Variants in NCMAP observed in about 807,000 individuals in gnomAD.
NCMAP encodes the protein non-compact myelin associated protein.
In NCMAP, 8 loss-of-function variants were observed where a neutral mutation model predicts 7.8. The observed-to-expected ratio is 1.02, with a 90% CI of 0.60 to 1.84. The LOEUF (loss-of-function observed/expected upper bound fraction) is 1.84, where lower values mean the gene tolerates loss of function less well. NCMAP is among the 40% of genes most tolerant of loss of function. NCMAP has a pLI of 0.00. For synonymous variants in NCMAP, 41 were observed against 52.9 expected, an observed-to-expected ratio of 0.78 and a Z score of 0.98; for missense variants, 112 against 131.4, an observed-to-expected ratio of 0.85 and a Z score of 0.72.
intron 1 of NCMAP, among the ~76,000 whole-genome samples, chr1:24,591,164 C>T (rs1036657366): frequency 3.9e-5 from 6 of 152,190 alleles, no homozygotes; most frequent in Non-Finnish European, 8.8e-5. Context: ...TGGACACATG[C>T]CTTGGTGATG....
chr1:24,602,454 C>T (rs1296089597), intron 3 of NCMAP, among the ~76,000 whole-genome samples: 1 of 145,192 alleles, frequency 6.9e-6, no homozygotes, highest in Non-Finnish European at 1.5e-5. Flanking sequence ...CCTGTAGTCC[C>T]AGCTACTCGG....
chr1:24,558,738 G>A (rs886358375), intron 1 of NCMAP, among the ~76,000 whole-genome samples: 2 of 152,174 alleles, frequency 1.3e-5, no homozygotes, highest in Non-Finnish European at 2.9e-5. Context: ...TTGCAAACCA[G>A]GATCTGGACG....
At chr1:24,584,900 A>G (rs767600444) in intron 1 of NCMAP, among the ~76,000 whole-genome samples, 5 of 138,330 alleles carry the variant, frequency 3.6e-5, no homozygotes, top group Non-Finnish European at 6.2e-5. Context: ...CAGGGTGGGC[A>G]TTGATTGAAT....
chr1:24,568,426 G>T (rs536865563), intron 1 of NCMAP, among the ~76,000 whole-genome samples: 1 of 152,230 alleles, frequency 6.6e-6, no homozygotes, highest in South Asian at 2.1e-4. Flanking sequence ...CAGGGACCTC[G>T]GTGATGCTAG....
chr1:24,606,802 G>A lies in NCMAP; in HGVS notation c.*1055G>A, dbSNP rs1318264402. 1 of 152,088 alleles carries A rather than the reference G, an allele frequency of 6.6e-6. No homozygotes were observed. Among genetic ancestry groups the A allele is most frequent in the Non-Finnish European group, 1.5e-5 (1 of 68,028 alleles). 9.4% of individuals were successfully genotyped at this position (152,088 alleles called of 1,614,324 possible). ...ACCATCCAAGCCCTACTTCCTGGTT[G>A]TGTGGCCTTGGAAAAGTGACTCAAC... On this transcript the variant is annotated 3_prime_UTR_variant, in exon 4 of 4. Coordinates refer to ENST00000374392, the MANE Select transcript of NCMAP (RefSeq NM_001010980.5).
chr1:24,582,230 G>A (rs1163451256), intron 1 of NCMAP, among the ~76,000 whole-genome samples: 4 of 152,174 alleles, frequency 2.6e-5, no homozygotes, highest in Non-Finnish European at 5.9e-5. Flanking sequence ...TGCGTGTAAA[G>A]GCAGTGTAGA....
Position 24,595,505 on chromosome 1 carries a change from G to A in NCMAP, c.75G>A (p.Leu25=). ...TGACCACCAGGGGAGAAGACTTCCT[G>A]TATAAGAGTAAGGTCAAATTCGCTT... ...LNMTTRGEDF[L]YKSSGAIVAA... The change falls in exon 2 of 4, where the codon CTG becomes CTA. Residue 25 remains leucine, a synonymous_variant. Transcript: ENST00000374392. 1 of 1,612,624 alleles carries A rather than the reference G, an allele frequency of 6.2e-7. No individual in the cohort carries two copies. The highest frequency in any genetic ancestry group is 1.3e-5 in the African/African-American group (1 of 75,008).
chr1:24,585,136 T>A (rs1347202911), intron 1 of NCMAP, among the ~76,000 whole-genome samples: 1 of 152,018 alleles, frequency 6.6e-6, no homozygotes, highest in Non-Finnish European at 1.5e-5. Context: ...ACGGCAGAAT[T>A]CCTACCCCAA....
chr1:24,573,868 C>G (rs1170617553), intron 1 of NCMAP, among the ~76,000 whole-genome samples: 1 of 145,090 alleles, frequency 6.9e-6, no homozygotes, highest in South Asian at 2.1e-4. Context: ...AGGAGATTAG[C>G]GAGCGAGTCT....
chr1:24,569,969 A>G (rs956577298), intron 1 of NCMAP, among the ~76,000 whole-genome samples: 7 of 150,246 alleles, frequency 4.7e-5, no homozygotes, highest in African/African-American at 1.8e-4. Flanking sequence ...TTTTTTTGAG[A>G]CAATTTTTCT....
intron 1 of NCMAP, among the ~76,000 whole-genome samples, chr1:24,582,199 G>T (rs1418089743): frequency 6.6e-6 from 1 of 152,140 alleles, no homozygotes; most frequent in Non-Finnish European, 1.5e-5. Context: ...AGTGCCTCCC[G>T]TGGTGCTTGG....
chr1:24,588,526 G>T (rs1651953148), intron 1 of NCMAP, among the ~76,000 whole-genome samples: 1 of 152,126 alleles, frequency 6.6e-6, no homozygotes, highest in Non-Finnish European at 1.5e-5. Flanking sequence ...AGGGAGAGGG[G>T]GTACCCCTAG....
chr1:24,569,658 C>T (rs1207856061), intron 1 of NCMAP, among the ~76,000 whole-genome samples: 1 of 150,672 alleles, frequency 6.6e-6, no homozygotes, highest in East Asian at 1.9e-4. Context: ...CTCTCTGGGC[C>T]TCAGTTTCTC....
chr1:24,576,434 C>T lies in NCMAP; in HGVS notation c.-7-18990C>T, dbSNP rs79456857. ...CTGGGATTGTTTCCCCAACTCCTGT[C>T]CTCTCTGGAGTCCAGCGGCTGCCAG... On this transcript the variant is annotated intron_variant, in intron 1 of 3. Coordinates refer to ENST00000374392, the MANE Select transcript of NCMAP (RefSeq NM_001010980.5). The surrounding 1 kb of genome is among the most constrained non-coding windows in gnomAD (Gnocchi z 4.0). 0.029 allele frequency among the ~76,000 whole-genome samples: 4,414 copies of T among 152,276 alleles called. 250 individuals are homozygous for T. Among genetic ancestry groups the T allele is most frequent in the African/African-American group, 0.1 (4,229 of 41,520 alleles).
Position 24,608,141 on chromosome 1 carries a change from A to G in NCMAP, c.*2394A>G, listed in dbSNP as rs1212172302. 1 of 152,242 alleles carries G rather than the reference A, an allele frequency of 6.6e-6. No individual in the cohort carries two copies. Among genetic ancestry groups the G allele is most frequent in the Admixed American group, 6.5e-5 (1 of 15,286 alleles). 9.4% of individuals were successfully genotyped at this position (152,242 alleles called of 1,614,324 possible). ...GGAGGAATTATTTTTTCCAAAACAG[A>G]TGATAATTTCTGATTCAAAGAGAAA... On this transcript the variant is annotated 3_prime_UTR_variant, in exon 4 of 4. Transcript: ENST00000374392.
chr1:24,556,703 C>G (rs1650906762), intron 1 of NCMAP, among the ~76,000 whole-genome samples: 3 of 152,138 alleles, frequency 2.0e-5, no homozygotes, highest in African/African-American at 7.2e-5. Context: ...GTCGCTCATC[C>G]AGCAGCGCTC....
chr1:24,593,857 ATTATTTAT>A (rs139852120), intron 1 of NCMAP, among the ~76,000 whole-genome samples: 57,669 of 144,438 alleles, frequency 0.4, 12,369 homozygotes, highest in South Asian at 0.53. Flanking sequence ...GTTCAGAGCG[ATTATTTAT>A]TTATTTATTT....
chr1:24,602,460 C>T (rs1421519952), intron 3 of NCMAP, among the ~76,000 whole-genome samples: 1 of 140,448 alleles, frequency 7.1e-6, no homozygotes, highest in Non-Finnish European at 1.5e-5. Context: ...GTCCCAGCTA[C>T]TCGGGAGGCT....
intron 3 of NCMAP, among the ~76,000 whole-genome samples, chr1:24,604,013 A>C (rs185413981): frequency 6.9e-4 from 105 of 152,334 alleles, no homozygotes; most frequent in Non-Finnish European, 1.4e-3. Flanking sequence ...GTTATCCACG[A>C]TAGAAGGGCA....
Sources: gnomAD v4.1 joint callset for allele counts (sites outside exome capture counted in the v4.1 genomes callset) on GRCh38, gnomAD v4.1.1 for gene constraint, Gnocchi (gnomAD v3.1) non-coding constraint, MANE v1.5 for transcripts, NCBI Gene and HGNC (gene_info 2026-07-23, HGNC 2026-07-21) for gene names.